Variants in RABGAP1L observed in about 807,000 individuals in gnomAD.
RABGAP1L encodes the protein rab GTPase-activating protein 1-like.
In RABGAP1L, 63 loss-of-function variants were observed where a neutral mutation model predicts 137.7. The observed-to-expected ratio is 0.46, with a 90% CI of 0.37 to 0.56. RABGAP1L has a LOEUF of 0.56. Among genes scored for constraint, RABGAP1L ranks in the 20% least tolerant of loss-of-function variants. The pLI is 0.00. For synonymous variants in RABGAP1L, 431 were observed against 433.7 expected (o/e 0.99, Z 0.08); for missense variants, 1,095 against 1,244.0 (o/e 0.88, Z 1.80).
chr1:174,531,023 AAAG>A (rs1664356920), intron 13 of RABGAP1L, among the ~76,000 whole-genome samples: 1 of 152,206 alleles, frequency 6.6e-6, no homozygotes, highest in African/African-American at 2.4e-5. Context: ...ATAGCAGTAA[AAAG>A]AACAGACTTG....
chr1:174,801,633 G>A (rs1688766992), intron 18 of RABGAP1L, among the ~76,000 whole-genome samples: 1 of 152,194 alleles, frequency 6.6e-6, no homozygotes, highest in Non-Finnish European at 1.5e-5. Flanking sequence ...TTTGAGAAAT[G>A]TAGTTCCTTT....
Position 174,982,842 on chromosome 1 carries a change from G to A in RABGAP1L, c.2742G>A (p.Ser914=), listed in dbSNP as rs766233169. The change falls in exon 24 of 26, where the codon TCG becomes TCA. Residue 914 remains serine (S), a synonymous_variant. Coordinates refer to ENST00000681986, the MANE Select transcript of RABGAP1L (RefSeq NM_001366446.1). ...AIIAEYKQIC[S]QLSTRLEKQQ... ...TCTTTTCTCATCCTTAGATCTGTTC[G>A]CAGTTGAGTACCAGGCTGGAGAAAC... is the stretch of plus-strand genomic sequence containing the variant. 56 of 1,550,168 alleles carry A rather than the reference G, an allele frequency of 3.6e-5. No homozygotes were observed. Among genetic ancestry groups the A allele is most frequent in the Middle Eastern group, 1.7e-4 (1 of 6,012 alleles).
At chr1:174,485,131 T>A (rs1201735690) in intron 13 of RABGAP1L, among the ~76,000 whole-genome samples, 2 of 152,206 alleles carry the variant, frequency 1.3e-5, no homozygotes, top group African/African-American at 4.8e-5. Flanking sequence ...TAGGATTACT[T>A]TTTAAATTTC....
At chr1:174,669,818 A>G (rs559252491) in intron 14 of RABGAP1L, among the ~76,000 whole-genome samples, 1 of 152,140 alleles carries the variant, frequency 6.6e-6, no homozygotes, top group Non-Finnish European at 1.5e-5. Context: ...CAGGCCCTCT[A>G]TTCTGTTTCT....
chr1:174,472,714 C>T (rs1658078189), intron 13 of RABGAP1L, among the ~76,000 whole-genome samples: 1 of 152,120 alleles, frequency 6.6e-6, no homozygotes, highest in South Asian at 2.1e-4. Context: ...TTATCAAGAG[C>T]CCATCACATA....
At chr1:174,526,437 G>C (rs1040239979) in intron 13 of RABGAP1L, among the ~76,000 whole-genome samples, 1 of 151,992 alleles carries the variant, frequency 6.6e-6, no homozygotes, top group Admixed American at 6.6e-5. Flanking sequence ...TTGTGTGTTC[G>C]GTAGAACTCA....
chr1:174,485,846 G>A (rs986161169), intron 13 of RABGAP1L, among the ~76,000 whole-genome samples: 1 of 152,124 alleles, frequency 6.6e-6, no homozygotes, highest in African/African-American at 2.4e-5. Flanking sequence ...GGTAATACTG[G>A]CCTTGTAGAG....
intron 18 of RABGAP1L, among the ~76,000 whole-genome samples, chr1:174,757,927 G>A (rs1457596313): frequency 6.6e-6 from 1 of 151,272 alleles, no homozygotes; most frequent in Non-Finnish European, 1.5e-5. Context: ...GGAGGCTGAG[G>A]CACAAGAATC....
At chr1:174,303,235 A>G (rs1160684433) in intron 10 of RABGAP1L, among the ~76,000 whole-genome samples, 4 of 152,040 alleles carry the variant, frequency 2.6e-5, no homozygotes, top group Non-Finnish European at 4.4e-5. Context: ...CTTGTAGGCA[A>G]TGGTTCTCAA....
Position 174,651,524 on chromosome 1 carries a change from T to C in RABGAP1L, c.1824+14036T>C, listed in dbSNP as rs1675487429. ...CTTTATGAATCTGGGTGCTCCTGTATTGGGTGCATATATATTTAGGATAGT... is the reference window on the plus strand; with the variant it reads ...CTTTATGAATCTGGGTGCTCCTGTACTGGGTGCATATATATTTAGGATAGT... On this transcript the variant is annotated intron_variant, in intron 14 of 25. Transcript: ENST00000681986. Among the ~76,000 whole-genome samples, 3 of 152,234 alleles carry C rather than the reference T, an allele frequency of 2.0e-5. No individual in the cohort carries two copies. In the South Asian group the frequency reaches 6.2e-4, roughly 32 times the overall value.
chr1:174,251,284 T>G (rs1415741899), intron 6 of RABGAP1L, among the ~76,000 whole-genome samples: 1 of 152,230 alleles, frequency 6.6e-6, no homozygotes, highest in South Asian at 2.1e-4. Flanking sequence ...TTTTTTTTCT[T>G]TATGTTAAGT....
chr1:174,788,838 T>C (rs1489763546), intron 18 of RABGAP1L, among the ~76,000 whole-genome samples: 1 of 152,108 alleles, frequency 6.6e-6, no homozygotes, highest in African/African-American at 2.4e-5. Context: ...CAGCCTCCTG[T>C]GTAGCTGGAA....
intron 7 of RABGAP1L, among the ~76,000 whole-genome samples, chr1:174,271,068 GGA>G (rs1217048979): frequency 6.6e-6 from 1 of 152,084 alleles, no homozygotes. Flanking sequence ...AGAATTCATA[GGA>G]GAGAGATCAT....
chr1:174,963,809 A>G (rs1669380829), intron 20 of RABGAP1L, among the ~76,000 whole-genome samples: 1 of 152,050 alleles, frequency 6.6e-6, no homozygotes, highest in African/African-American at 2.4e-5. Flanking sequence ...TTCAACATAG[A>G]CCATGCGACC....
chr1:174,581,371 G>A (rs934725820), intron 13 of RABGAP1L, among the ~76,000 whole-genome samples: 1 of 152,180 alleles, frequency 6.6e-6, no homozygotes, highest in African/African-American at 2.4e-5. Flanking sequence ...AAGGAATGAA[G>A]CATTGATGTA....
intron 13 of RABGAP1L, among the ~76,000 whole-genome samples, chr1:174,410,271 C>T (rs1412231910): frequency 4.6e-5 from 7 of 152,070 alleles, no homozygotes; most frequent in African/African-American, 1.4e-4. Flanking sequence ...TGGGTTCCCC[C>T]GATAAATTAT....
intron 13 of RABGAP1L, among the ~76,000 whole-genome samples, chr1:174,478,228 C>CT (rs1558267704): frequency 2.0e-5 from 3 of 151,618 alleles, no homozygotes; most frequent in Admixed American, 1.3e-4. Flanking sequence ...TATCTCTTAA[C>CT]TTTTTTTTCC....
intron 3 of RABGAP1L, among the ~76,000 whole-genome samples, chr1:174,228,055 T>C (rs976848018): frequency 2.6e-5 from 4 of 152,136 alleles, no homozygotes; most frequent in Non-Finnish European, 5.9e-5. Flanking sequence ...GCAGATCTTG[T>C]ATTTTTTCAG....
intron 13 of RABGAP1L, among the ~76,000 whole-genome samples, chr1:174,455,484 A>T (rs1320940224): frequency 6.6e-6 from 1 of 152,116 alleles, no homozygotes; most frequent in Admixed American, 6.5e-5. Context: ...TTTTAAATTT[A>T]TTTTTGAATA....
Sources: gnomAD v4.1 joint callset for allele counts (sites outside exome capture counted in the v4.1 genomes callset) on GRCh38, gnomAD v4.1.1 for gene constraint, MANE v1.5 for transcripts, NCBI Gene and HGNC (gene_info 2026-07-23, HGNC 2026-07-21) for gene names.